Variants in TMEM260 observed in about 807,000 individuals in gnomAD.
TMEM260 encodes the protein protein O-mannosyl-transferase TMEM260.
TMEM260 carries 82 observed loss-of-function variants against 88.9 expected under a neutral mutation model. That is an observed-to-expected ratio of 0.92 (90% CI 0.77 to 1.11). TMEM260 has a LOEUF of 1.11. Among genes scored for constraint, TMEM260 ranks in the 50% least tolerant of loss-of-function variants. The probability of loss-of-function intolerance (pLI) is 0.00; values close to 1 mark genes in which losing one functional copy is unlikely to be tolerated. For synonymous variants in TMEM260, 314 were observed against 309.3 expected, an observed-to-expected ratio of 1.02 and a Z score of -0.16; for missense variants, 902 against 853.4, an observed-to-expected ratio of 1.06 and a Z score of -0.71.
At chr14:56,642,693 C>T (rs1473850785) in intron 15 of TMEM260, among the ~76,000 whole-genome samples, 1 of 151,798 alleles carries the variant, frequency 6.6e-6, no homozygotes, top group South Asian at 2.1e-4. Context: ...ACACAAAAAA[C>T]CCTTCAAAAA....
rs1167375823 is a variant in TMEM260 at position 56,605,679 on chromosome 14, A to G, written c.632A>G (p.Lys211Arg). Residue 211 changes from lysine (K) to arginine (R), a missense_variant, in exon 5 of 16, where the codon AAG (lysine) becomes AGG (arginine). Lys to Arg is a conservative substitution (Grantham distance 26, BLOSUM62 2). Coordinates refer to ENST00000261556, the MANE Select transcript of TMEM260 (RefSeq NM_017799.4). Reference sequence around the variant, plus strand: ...TGGATTCTCTTTCAACTTTTAAAAAAGAAGGTACGTTTTTGAATTTTGTAA... The same window carrying G: ...TGGATTCTCTTTCAACTTTTAAAAAGGAAGGTACGTTTTTGAATTTTGTAA... ...IPWILFQLLK[K>R]KELSLGSLLK... 6.5e-7 allele frequency: 1 copy of G among 1,542,660 alleles called. No individual in the cohort carries two copies.
intron 12 of TMEM260, 74 bp downstream of exon 12, chr14:56,625,604 C>T (rs1337792838): frequency 3.1e-6 from 4 of 1,277,722 alleles, no homozygotes; most frequent in Non-Finnish European, 4.3e-6. Context: ...AGCAGTTGTG[C>T]ATCATCCAAA....
chr14:56,646,081 C>T (rs1449260292), intron 15 of TMEM260, among the ~76,000 whole-genome samples: 4 of 152,178 alleles, frequency 2.6e-5, no homozygotes, highest in African/African-American at 4.8e-5. Context: ...AGGCATGGGC[C>T]ACCGTGCCCA....
At chr14:56,585,271 A>G (rs1490635744) in intron 2 of TMEM260, among the ~76,000 whole-genome samples, 1 of 152,126 alleles carries the variant, frequency 6.6e-6, no homozygotes, top group Non-Finnish European at 1.5e-5. Context: ...AATTTTGTAT[A>G]AGCTGTGGGG....
At position 56,617,275 on chromosome 14, in the gene TMEM260, C is replaced by A; in HGVS notation, c.1034C>A (p.Ser345Ter). The A allele has an allele frequency of 6.3e-7, 1 of 1,596,986 alleles. No homozygotes were observed. The highest frequency in any genetic ancestry group is 8.5e-7 in the Non-Finnish European group (1 of 1,173,344). ...GCTTGGAGAGCAAATTTAGATATTT[C>A]AAAACCACTTTTCATGGGTGTGGTA... ...FFAWRANLDI[S>*]KPLFMGVVER... The change falls in exon 9 of 16, where the codon TCA (serine) becomes TAA (stop). Residue 345 changes from serine (S) to a stop codon, truncating the protein, a stop_gained. Coordinates refer to ENST00000261556, the MANE Select transcript of TMEM260 (RefSeq NM_017799.4). LOFTEE classifies it high-confidence loss of function.
Position 56,636,618 on chromosome 14 carries a change from G to GTAGATA in TMEM260, c.1869+29_1869+34dup, listed in dbSNP as rs747452916. On this transcript the variant is annotated intron_variant, in intron 15 of 15. Coordinates refer to ENST00000261556, the MANE Select transcript of TMEM260 (RefSeq NM_017799.4). The stretch of plus-strand genomic sequence containing the variant: ...TATGACGTATGTTACACTTTTATAT[G>GTAGATA]TAGATATAGATATATTTGGTGGGAA... 2 of 1,589,292 alleles carry GTAGATA rather than the reference G, an allele frequency of 1.3e-6. No individual in the cohort carries two copies. Among genetic ancestry groups the GTAGATA allele is most frequent in the African/African-American group, 2.7e-5 (2 of 74,424 alleles).
intron 15 of TMEM260, among the ~76,000 whole-genome samples, chr14:56,645,748 C>T (rs1030340837): frequency 4.6e-5 from 7 of 152,030 alleles, no homozygotes. Flanking sequence ...TCCTGAATGC[C>T]TGCTTTGTGT....
rs369106454 is a variant in TMEM260 at position 56,609,178 on chromosome 14, C to A, written c.709C>A (p.Pro237Thr). Residue 237 changes from proline to threonine, a missense_variant, in exon 6 of 16, where the codon CCC becomes ACC. Coordinates refer to ENST00000261556, the MANE Select transcript of TMEM260 (RefSeq NM_017799.4). ...SAGLLPYVHL[P>T]ISSYLNHARW... ...TGGTTTGCTGCCCTATGTCCACCTT[C>A]CCATCTCATCTTACCTTAATCACGC... 1.0e-4 allele frequency: 165 copies of A among 1,614,034 alleles called. No homozygotes were observed. Among genetic ancestry groups the A allele is most frequent in the Non-Finnish European group, 1.4e-4 (160 of 1,180,034 alleles).
In TMEM260 at chr14:56,620,725, C is replaced by A. The variant is rs1314134269; in HGVS notation, c.1227-806C>A. 5.3e-5 allele frequency among the ~76,000 whole-genome samples: 8 copies of A among 152,086 alleles called. No individual in the cohort carries two copies. In the East Asian group the frequency reaches 1.5e-3, roughly 29 times the overall value. On this transcript the variant is annotated intron_variant, in intron 10 of 15. Transcript: ENST00000261556. ...GAGGTGTTCATTTGTTTTGTGATAC[C>A]CCAGATATTCTCAGCTCCATCAAAT... is the stretch of plus-strand genomic sequence containing the variant.
the TMEM260 span, among the ~76,000 whole-genome samples, chr14:56,660,927 G>T: frequency 6.6e-6 from 1 of 152,204 alleles, no homozygotes; most frequent in South Asian, 2.1e-4. Context: ...ACAGTCTCCT[G>T]CCTCAAATAC....
rs1297307063 is a variant in TMEM260 at position 56,585,005 on chromosome 14, A to C, written c.165A>C (p.Glu55Asp). The C allele has an allele frequency of 1.2e-6, 2 of 1,611,734 alleles. No individual in the cohort carries two copies. The highest frequency in any genetic ancestry group is 2.7e-5 in the African/African-American group (2 of 74,832). Residue 55 changes from glutamate (E) to aspartate (D), a missense_variant, in exon 2 of 16, where the codon GAA becomes GAC. Transcript: ENST00000261556. ...PPSVPGGDSG[E>D]LITAAHELGV... Reference sequence around the variant, plus strand: ...TTTTACATTATTTTTTCACAGGGGAACTGATCACAGCCGCACATGAGCTTG... The same window carrying C: ...TTTTACATTATTTTTTCACAGGGGACCTGATCACAGCCGCACATGAGCTTG...
intron 12 of TMEM260, among the ~76,000 whole-genome samples, chr14:56,631,109 A>G (rs528064277): frequency 6.7e-6 from 1 of 150,372 alleles, no homozygotes; most frequent in South Asian, 2.1e-4. Flanking sequence ...GCAGGAGTAA[A>G]AGTTTATTAA....
intron 3 of TMEM260, among the ~76,000 whole-genome samples, chr14:56,586,946 A>T (rs1362119081): frequency 6.6e-6 from 1 of 151,692 alleles, no homozygotes; most frequent in Non-Finnish European, 1.5e-5. Flanking sequence ...TATATTATTA[A>T]ATTTGTTATT....
At chr14:56,615,704 C>T (rs1887551473) in intron 7 of TMEM260, 1 of 458,976 alleles carries the variant, frequency 2.2e-6, no homozygotes, top group Non-Finnish European at 3.9e-6. Context: ...ATTATTTGTT[C>T]TGATCCTATT....
chr14:56,585,647 A>G, intron 2 of TMEM260, 114 bp from the exon 3 acceptor site: 1 of 952,206 alleles, frequency 1.1e-6, no homozygotes, highest in East Asian at 2.5e-5. Flanking sequence ...ACATTTAGTC[A>G]TTGGTGCCTA....
chr14:56,615,687 C>T (rs1354084904), intron 7 of TMEM260: 1 of 400,108 alleles, frequency 2.5e-6, no homozygotes, highest in Non-Finnish European at 4.5e-6. Flanking sequence ...ATAAAAAATA[C>T]AGAAGAATTA....
intron 15 of TMEM260, among the ~76,000 whole-genome samples, chr14:56,637,619 G>A (rs1357224792): frequency 6.6e-6 from 1 of 152,198 alleles, no homozygotes; most frequent in African/African-American, 2.4e-5. Flanking sequence ...GGTAGGACCT[G>A]TATATATGAG....
chr14:56,591,409 C>T (rs1411851179), intron 3 of TMEM260, among the ~76,000 whole-genome samples: 1 of 152,130 alleles, frequency 6.6e-6, no homozygotes, highest in Non-Finnish European at 1.5e-5. Flanking sequence ...GTTTAATACC[C>T]TCATTCTGTT....
At chr14:56,630,691 T>C (rs944033074) in intron 12 of TMEM260, among the ~76,000 whole-genome samples, 1 of 152,212 alleles carries the variant, frequency 6.6e-6, no homozygotes, top group Admixed American at 6.5e-5. Context: ...TAGACATCTA[T>C]TGATTGTTTT....
Sources: allele counts gnomAD v4.1 joint callset (sites outside exome capture counted in the v4.1 genomes callset), GRCh38; gene constraint gnomAD v4.1.1; transcripts MANE v1.5; gene names NCBI Gene and HGNC (gene_info 2026-07-23, HGNC 2026-07-21).